Variants in PRAMEF6 observed in about 807,000 individuals in gnomAD.
The protein encoded by PRAMEF6 is PRAME family member 6.
For missense variants in PRAMEF6, 29 were observed against 349.2 expected (o/e 0.08, Z 7.31); for synonymous variants, 8 against 134.4 (o/e 0.06, Z 6.51).
intron 1 of PRAMEF6, among the ~76,000 whole-genome samples, chr1:12,946,028 GGA>G (rs1330977669): frequency 3.6e-3 from 29 of 8,076 alleles, no homozygotes; most frequent in Non-Finnish European, 4.8e-3. Flanking sequence ...AAAAGAAAAA[GGA>G]GAGAGAGAGA....
At position 12,941,741 on chromosome 1, in the gene PRAMEF6, G is replaced by A. The variant is rs569294088; in HGVS notation, c.288-176C>T. Reference sequence around the variant, plus strand: ...CCACATTTTTTTGTTTTTCTTTTGAGACCAAGTCTCCCTCTGTCACCCAGG... The same window carrying A: ...CCACATTTTTTTGTTTTTCTTTTGAAACCAAGTCTCCCTCTGTCACCCAGG... On this transcript the variant is annotated intron_variant, in intron 2 of 3. Transcript: ENST00000376189. Among the ~76,000 whole-genome samples the A allele has an allele frequency of 2.7e-5, 3 of 112,164 alleles. 1 individual carries two copies. The highest frequency in any genetic ancestry group is 5.2e-5 in the Non-Finnish European group (3 of 58,068). The allele number at this position is 112,164 out of a possible 152,430, so 73.6% of individuals were successfully genotyped here. A position where few individuals can be genotyped will look rare whatever the true frequency, so the allele number is the denominator to read the frequency against.
rs1395862049 is a variant in PRAMEF6 at position 12,941,404 on chromosome 1, AAC to A, written c.447_448del (p.Phe150ArgfsTer12). The A allele has an allele frequency of 3.8e-6, 5 of 1,326,132 alleles. No homozygotes were observed. Among genetic ancestry groups the A allele is most frequent in the Non-Finnish European group, 5.0e-6 (5 of 1,004,968 alleles). The allele number at this position is 1,326,132 out of a possible 1,614,324, so 82.1% of individuals were successfully genotyped here. On this transcript the variant is annotated frameshift_variant, in exon 3 of 4. Coordinates refer to ENST00000376189, the MANE Select transcript of PRAMEF6 (RefSeq NM_001010889.2). LOFTEE classifies it high-confidence loss of function. ...CCTGTTCTTGAGCCAAAGTTCTACG[AAC>A]ACAGTCAAGGGCTGCTGTCCTCTCA...
chr1:12,939,751 A>G (rs1174351273), intron 3 of PRAMEF6, among the ~76,000 whole-genome samples: 2 of 95,406 alleles, frequency 2.1e-5, no homozygotes, highest in Non-Finnish European at 4.1e-5. Context: ...AGGCTGAGTC[A>G]CTTCACCATC....
At chr1:12,941,690 G>C in intron 2 of PRAMEF6, 125 bp from the exon 3 acceptor site, 2 of 861,642 alleles carry the variant, frequency 2.3e-6, no homozygotes, top group Non-Finnish European at 3.2e-6. Flanking sequence ...TCTTCACCCT[G>C]TTTTCCCCTT....
In PRAMEF6 at chr1:12,938,485, C is replaced by G; in HGVS notation, c.*190G>C. The G allele has an allele frequency of 1.8e-6, 1 of 569,870 alleles. No homozygotes were observed. Among genetic ancestry groups the G allele is most frequent in the Non-Finnish European group, 2.8e-6 (1 of 356,308 alleles). The allele number at this position is 569,870 out of a possible 1,614,324, so 35.3% of individuals were successfully genotyped here. ...TCTACAGGACACAGGTCCCCAAAGTCCCATCGAATCCATGGCAACACTTCC... is the reference window on the plus strand; with the variant it reads ...TCTACAGGACACAGGTCCCCAAAGTGCCATCGAATCCATGGCAACACTTCC... On this transcript the variant is annotated 3_prime_UTR_variant, in exon 4 of 4. Transcript: ENST00000376189.
At chr1:12,939,834 T>A (rs1641698887) in intron 3 of PRAMEF6, among the ~76,000 whole-genome samples, 1 of 28,062 alleles carries the variant, frequency 3.6e-5, no homozygotes, top group African/African-American at 2.2e-4. Context: ...GAAAACCACA[T>A]CCCTGGGCCA....
intron 1 of PRAMEF6, among the ~76,000 whole-genome samples, chr1:12,943,007 TTC>T (rs1263267762): frequency 7.6e-5 from 11 of 144,444 alleles, no homozygotes; most frequent in East Asian, 2.1e-4. Flanking sequence ...TGCTTTCTCT[TTC>T]TCTCTCTTTC....
intron 1 of PRAMEF6, among the ~76,000 whole-genome samples, chr1:12,943,013 CTCTT>C (rs1478013918): frequency 4.8e-5 from 7 of 145,948 alleles, no homozygotes; most frequent in South Asian, 4.6e-4. Flanking sequence ...CTCTTTCTCT[CTCTT>C]TCTTCTTTCC....
In PRAMEF6 at chr1:12,939,459, C is replaced by A. The variant is rs28679774; in HGVS notation, c.870-223G>T. Among the ~76,000 whole-genome samples the A allele has an allele frequency of 2.9e-3, 254 of 88,758 alleles. 11 individuals carry two copies. The highest frequency in any genetic ancestry group is 5.7e-3 in the South Asian group (14 of 2,442). 58.2% of individuals were successfully genotyped at this position (88,758 alleles called of 152,430 possible). On this transcript the variant is annotated intron_variant, in intron 3 of 3. Transcript: ENST00000376189. ...CAGTAACTCACACCTGTAATCCCAG[C>A]ACTTTGGGAGGCTGAGACTGGTGGA...
chr1:12,939,842 C>T (rs1553173285), intron 3 of PRAMEF6, among the ~76,000 whole-genome samples: 1 of 15,850 alleles, frequency 6.3e-5, no homozygotes, highest in Non-Finnish European at 9.9e-5. Context: ...CATCCCTGGG[C>T]CACAGGAGCC....
Sources: allele counts gnomAD v4.1 joint callset (sites outside exome capture counted in the v4.1 genomes callset), GRCh38; gene constraint gnomAD v4.1.1; transcripts MANE v1.5; gene names NCBI Gene and HGNC (gene_info 2026-07-23, HGNC 2026-07-21).